BOD1L1: variants seen among roughly 807,000 people sequenced by gnomAD.
BOD1L1 encodes the protein biorientation of chromosomes in cell division protein 1-like 1.
Under a neutral mutation model 240.7 loss-of-function variants are expected in BOD1L1, and 86 were observed. That is an observed-to-expected ratio of 0.36 (90% CI 0.30 to 0.43). BOD1L1 has a LOEUF of 0.43. Among genes scored for constraint, BOD1L1 ranks in the 20% least tolerant of loss-of-function variants. The pLI, the probability that BOD1L1 is intolerant of heterozygous loss-of-function variation, is 1.00. For synonymous variants in BOD1L1, 1,268 were observed against 1,272.3 expected (o/e 1.00, Z 0.07); for missense variants, 3,554 against 3,643.5 (o/e 0.98, Z 0.63).
intron 16 of BOD1L1, among the ~76,000 whole-genome samples, chr4:13,586,856 C>T (rs184084887): frequency 6.6e-5 from 10 of 152,162 alleles, no homozygotes; most frequent in South Asian, 6.2e-4. Flanking sequence ...AAGATAAAGT[C>T]GTAATTTTTC....
Position 13,586,486 on chromosome 4 carries a change from G to A in BOD1L1, c.8354-11C>T. ...CATCTGGATTATCATCTGTAAATCA[G>A]TTTAGACAGAATCACAAAGGAACAA... On this transcript the variant is annotated splice_polypyrimidine_tract_variant and intron_variant, in intron 16 of 25. Transcript: ENST00000040738. 1 of 1,567,320 alleles carries A rather than the reference G, an allele frequency of 6.4e-7. No homozygotes were observed. Among genetic ancestry groups the A allele is most frequent in the Non-Finnish European group, 8.7e-7 (1 of 1,143,434 alleles).
At chr4:13,580,349 C>A (rs1021680151) in intron 21 of BOD1L1, among the ~76,000 whole-genome samples, 15 of 152,296 alleles carry the variant, frequency 9.8e-5, no homozygotes, top group African/African-American at 2.6e-4. Flanking sequence ...TACCACTTCA[C>A]ATTCAAGGAA....
chr4:13,615,610 A>C, intron 2 of BOD1L1, 108 bp from the exon 3 acceptor site: 1 of 1,063,236 alleles, frequency 9.4e-7, no homozygotes, highest in South Asian at 1.8e-5. Flanking sequence ...CATCCATCCA[A>C]CCTTAAATTG....
At chr4:13,615,539 T>C in intron 2 of BOD1L1, 37 bp from the exon 3 acceptor site, 2 of 1,535,806 alleles carry the variant, frequency 1.3e-6, no homozygotes, top group Non-Finnish European at 1.8e-6. Flanking sequence ...GGTGAAAAAA[T>C]AATATATTAT....
intron 3 of BOD1L1, 68 bp from the exon 4 acceptor site, chr4:13,614,878 C>T: frequency 7.0e-7 from 1 of 1,429,464 alleles, no homozygotes; most frequent in Non-Finnish European, 9.3e-7. Context: ...AAATCAATAC[C>T]ACATGCCATT....
chr4:13,602,493 T>G lies in BOD1L1; in HGVS notation c.4407A>C (p.Ile1469=), dbSNP rs61995955. ...CATTCCTTCTTTCAACATCAATTGA[T>G]ATGTCTTTTACTTTACCTGGGCTTC... ...HKRSPGKVKD[I]SIDVERRNEN... is the part of the protein sequence containing the mutation. Residue 1469 remains isoleucine (I), a synonymous_variant, in exon 10 of 26, where the codon ATA becomes ATC. Coordinates refer to ENST00000040738, the MANE Select transcript of BOD1L1 (RefSeq NM_148894.3). 2.7e-3 allele frequency: 4,340 copies of G among 1,613,978 alleles called. 105 individuals carry two copies. In the African/African-American group the frequency reaches 0.05, roughly 18 times the overall value.
intron 10 of BOD1L1, 43 bp from the exon 11 acceptor site, chr4:13,597,211 T>A (rs747931122): frequency 1.2e-5 from 17 of 1,471,014 alleles, no homozygotes; most frequent in Non-Finnish European, 1.6e-5. Context: ...AGAATTTGCT[T>A]GCAAAATACA....
rs2108864921 is a variant in BOD1L1 at position 13,569,046 on chromosome 4, C to T, written c.*965G>A. On this transcript the variant is annotated 3_prime_UTR_variant, in exon 26 of 26. Coordinates refer to ENST00000040738, the MANE Select transcript of BOD1L1 (RefSeq NM_148894.3). Reference sequence around the variant, plus strand: ...TTTAAAAAAACACTTGGCAATAAAGCCAGTTTCTATACTGAAATAACTGTG... The same window carrying T: ...TTTAAAAAAACACTTGGCAATAAAGTCAGTTTCTATACTGAAATAACTGTG... 1 of 152,198 alleles carries T rather than the reference C, an allele frequency of 6.6e-6. No homozygotes were observed. The highest frequency in any genetic ancestry group is 2.4e-5 in the African/African-American group (1 of 41,542). The allele number at this position is 152,198 out of a possible 1,614,324, so 9.4% of individuals were successfully genotyped here.
chr4:13,586,521 G>A, intron 16 of BOD1L1, 46 bp from the exon 17 acceptor site: 1 of 1,320,606 alleles, frequency 7.6e-7, no homozygotes, highest in Non-Finnish European at 1.1e-6. Context: ...AAAGCTAAAT[G>A]AAAAATGAAA....
In BOD1L1 at chr4:13,604,204, C is replaced by G. The variant is rs745506657; in HGVS notation, c.2696G>C (p.Arg899Pro). The part of the protein sequence containing the change: ...PEEVVHKEKR[R>P]TKSLLEEKLV... ...TTTCTCTTCTAACAAGCTCTTTGTT[C>G]GTCGTTTCTCCTTGTGAACAACCTC... Residue 899 changes from arginine to proline, a missense_variant, in exon 10 of 26, where the codon CGA (arginine) becomes CCA (proline). Physicochemically the swap from Arg to Pro is moderately radical, Grantham distance 103. Around this residue, in one of 2 missense-constraint regions of BOD1L1, gnomAD observed 3,393 missense variants for 3,427.1 expected, o/e 0.99. Transcript: ENST00000040738. The G allele has an allele frequency of 1.2e-6, 2 of 1,613,514 alleles. No individual in the cohort carries two copies. Among genetic ancestry groups the G allele is most frequent in the Non-Finnish European group, 1.7e-6 (2 of 1,179,770 alleles).
intron 10 of BOD1L1, among the ~76,000 whole-genome samples, chr4:13,598,593 G>C (rs951486980): frequency 6.6e-6 from 1 of 152,106 alleles, no homozygotes; most frequent in African/African-American, 2.4e-5. Context: ...TTGTGGTAGG[G>C]TATTCTTCTT....
chr4:13,617,036 G>A (rs1394527203), intron 2 of BOD1L1, among the ~76,000 whole-genome samples: 1 of 152,122 alleles, frequency 6.6e-6, no homozygotes, highest in Non-Finnish European at 1.5e-5. Context: ...CACAAGGTCA[G>A]GAGATCGAGA....
At chr4:13,570,739 G>C (rs1428605937) in intron 25 of BOD1L1, among the ~76,000 whole-genome samples, 2 of 151,956 alleles carry the variant, frequency 1.3e-5, no homozygotes, top group African/African-American at 4.8e-5. Flanking sequence ...GTTCCTCTTG[G>C]GTCTCTGATG....
rs952879898 is a variant in BOD1L1, at chr4:13,577,484, C to T, written c.8803G>A (p.Asp2935Asn). 2 of 1,613,306 alleles carry T rather than the reference C, an allele frequency of 1.2e-6. No individual in the cohort carries two copies. Among genetic ancestry groups the T allele is most frequent in the African/African-American group, 1.3e-5 (1 of 74,926 alleles). ...CTTGTTACTATTTTTTCTTCACCAT[C>T]ATCCTAGAAGCAATAAAATTAAAGT... ...NLQERSISNDDGEEKIVTSVR... is the reference protein window; with the variant it reads ...NLQERSISNDNGEEKIVTSVR... Residue 2935 changes from aspartate (D) to asparagine (N), a missense_variant, in exon 24 of 26, where the codon GAT becomes AAT. This residue lies in a region of BOD1L1 where 3,393 missense variants were observed against 3,427.1 expected (regional missense o/e 0.99). Coordinates refer to ENST00000040738, the MANE Select transcript of BOD1L1 (RefSeq NM_148894.3).
intron 13 of BOD1L1, among the ~76,000 whole-genome samples, chr4:13,590,994 G>GGAGAA (rs1339543479): frequency 2.0e-5 from 3 of 152,020 alleles, no homozygotes; most frequent in African/African-American, 7.2e-5. Flanking sequence ...GAGGTAGGAT[G>GGAGAA]GAGAACATGC....
intron 2 of BOD1L1, among the ~76,000 whole-genome samples, chr4:13,619,649 T>TATATC (rs1364670280): frequency 1.3e-5 from 2 of 152,236 alleles, no homozygotes; most frequent in African/African-American, 4.8e-5. Context: ...GGCAACTGTA[T>TATATC]ATATCATCTA....
rs777747933 is a variant in BOD1L1 at position 13,602,801 on chromosome 4, G to T, written c.4099C>A (p.Pro1367Thr). The part of the protein sequence containing the change: ...KASITSKRHI[P>T]EAHQATLLDG... Reference sequence around the variant, plus strand: ...AATAAAGTAGCCTGGTGAGCTTCTGGAATGTGTCTTTTGCTAGTGATGCTT... The same window carrying T: ...AATAAAGTAGCCTGGTGAGCTTCTGTAATGTGTCTTTTGCTAGTGATGCTT... The change falls in exon 10 of 26, where the codon CCA (proline) becomes ACA (threonine). Residue 1367 changes from proline (P) to threonine (T), a missense_variant. By Grantham distance (38) the Pro-to-Thr change is conservative (BLOSUM62 -1). Coordinates refer to ENST00000040738, the MANE Select transcript of BOD1L1 (RefSeq NM_148894.3). 1 of 1,613,960 alleles carries T rather than the reference G, an allele frequency of 6.2e-7. No homozygotes were observed. The highest frequency in any genetic ancestry group is 8.5e-7 in the Non-Finnish European group (1 of 1,179,874).
chr4:13,590,770 TTTTC>T (rs1714140314), intron 13 of BOD1L1, among the ~76,000 whole-genome samples: 1 of 152,300 alleles, frequency 6.6e-6, no homozygotes, highest in African/African-American at 2.4e-5. Context: ...TGATTTTCTT[TTTTC>T]TTTATTTAAA....
At chr4:13,589,210 G>A (rs1713977381) in intron 14 of BOD1L1, among the ~76,000 whole-genome samples, 1 of 152,198 alleles carries the variant, frequency 6.6e-6, no homozygotes, top group Non-Finnish European at 1.5e-5. Context: ...GGCAGATGGT[G>A]TGGAGTGACA....
Sources: gnomAD v4.1 joint callset for allele counts (sites outside exome capture counted in the v4.1 genomes callset) on GRCh38, gnomAD v4.1.1 for gene constraint, gnomAD v4.1.1 regional missense constraint, MANE v1.5 for transcripts, NCBI Gene and HGNC (gene_info 2026-07-23, HGNC 2026-07-21) for gene names.